Variants in CHN2 observed in about 807,000 individuals in gnomAD.
CHN2 encodes beta-chimaerin.
In CHN2, 35 loss-of-function variants were observed where a neutral mutation model predicts 56.3. The ratio of observed to expected loss-of-function variants is 0.62; its 90% CI spans 0.47 to 0.82. The LOEUF (loss-of-function observed/expected upper bound fraction) is 0.82, where lower values mean the gene tolerates loss of function less well. Among genes scored for constraint, CHN2 ranks in the 40% least tolerant of loss-of-function variants. CHN2 has a pLI of 0.00. For missense variants in CHN2, 491 were observed against 580.5 expected (o/e 0.85, Z 1.58); for synonymous variants, 210 against 212.8 (o/e 0.99, Z 0.12).
chr7:29,470,687 A>C (rs1327306397), intron 6 of CHN2, among the ~76,000 whole-genome samples: 2 of 152,236 alleles, frequency 1.3e-5, no homozygotes, highest in African/African-American at 4.8e-5. Flanking sequence ...AATTTGGACA[A>C]GAAAGTAGTG....
chr7:29,168,429 T>G (rs1349507185), intron 2 of CHN2, among the ~76,000 whole-genome samples: 1 of 152,350 alleles, frequency 6.6e-6, no homozygotes, highest in Non-Finnish European at 1.5e-5. Flanking sequence ...CTAATAAGCC[T>G]CCATGTAGCC....
chr7:29,224,266 A>T (rs560305293), intron 1 of CHN2, among the ~76,000 whole-genome samples: 2 of 152,090 alleles, frequency 1.3e-5, no homozygotes, highest in African/African-American at 2.4e-5. Flanking sequence ...AAAAATTATG[A>T]AACAGTTTGT....
At chr7:29,305,850 CT>C (rs1236532864) in intron 1 of CHN2, among the ~76,000 whole-genome samples, 6 of 151,880 alleles carry the variant, frequency 4.0e-5, no homozygotes, top group African/African-American at 1.2e-4. Context: ...TTTCCTTTCT[CT>C]CTTTCTCCCC....
chr7:29,474,530 C>T (rs774265155), intron 6 of CHN2, among the ~76,000 whole-genome samples: 4 of 152,162 alleles, frequency 2.6e-5, no homozygotes, highest in Non-Finnish European at 5.9e-5. Context: ...CTCTCCTCAC[C>T]ACACCCTCAT....
intron 1 of CHN2, among the ~76,000 whole-genome samples, chr7:29,236,985 T>G (rs546962552): frequency 3.7e-4 from 57 of 152,320 alleles, no homozygotes; most frequent in African/African-American, 1.3e-3. Context: ...TGCTGTGTAA[T>G]GTAAGGTATT....
chr7:29,398,262 G>C, intron 4 of CHN2, 111 bp from the exon 5 acceptor site: 2 of 778,806 alleles, frequency 2.6e-6, no homozygotes, highest in Non-Finnish European at 4.4e-6. Context: ...TCTTCACTCA[G>C]TTGTGGGGCT....
chr7:29,315,468 C>G (rs1404381819), intron 1 of CHN2, among the ~76,000 whole-genome samples: 1 of 152,182 alleles, frequency 6.6e-6, no homozygotes, highest in African/African-American at 2.4e-5. Context: ...TAAGAGATGA[C>G]ATTGCATTAG....
intron 1 of CHN2, among the ~76,000 whole-genome samples, chr7:29,286,637 A>G (rs138540363): frequency 1.3e-3 from 202 of 152,300 alleles, no homozygotes; most frequent in African/African-American, 4.7e-3. Context: ...AAGTGGGGTC[A>G]TTGTTCTTGA....
chr7:29,321,331 G>C (rs558779599), intron 1 of CHN2, among the ~76,000 whole-genome samples: 7 of 152,226 alleles, frequency 4.6e-5, no homozygotes, highest in African/African-American at 1.7e-4. Flanking sequence ...CACATGGAAC[G>C]CACATGCCAG....
chr7:29,463,769 A>AT (rs1347637307), intron 6 of CHN2, among the ~76,000 whole-genome samples: 1 of 152,220 alleles, frequency 6.6e-6, no homozygotes, highest in African/African-American at 2.4e-5. Context: ...GCAAGACATC[A>AT]TAGCAGCTCT....
intron 1 of CHN2, chr7:29,212,711 C>G (rs1396353904): frequency 1.3e-6 from 2 of 1,592,296 alleles, no homozygotes; most frequent in Non-Finnish European, 1.7e-6. Context: ...CAGCTACAAA[C>G]AGGTGAAGAC....
chr7:29,483,285 A>C (rs1787547284), intron 7 of CHN2, among the ~76,000 whole-genome samples: 1 of 151,254 alleles, frequency 6.6e-6, no homozygotes, highest in Admixed American at 6.6e-5. Context: ...ATGAATAGAA[A>C]CCCCCAACAT....
intron 2 of CHN2, among the ~76,000 whole-genome samples, chr7:29,360,646 A>G (rs569858586): frequency 6.6e-6 from 1 of 152,364 alleles, no homozygotes; most frequent in African/African-American, 2.4e-5. Flanking sequence ...AGGTTTTCCC[A>G]TGAAAATCGG....
intron 1 of CHN2, among the ~76,000 whole-genome samples, chr7:29,262,380 A>C (rs1789627318): frequency 6.6e-6 from 1 of 152,196 alleles, no homozygotes; most frequent in African/African-American, 2.4e-5. Context: ...GTCACTTACA[A>C]AAGTAACCCT....
chr7:29,358,500 TC>T lies in CHN2; in HGVS notation c.88+3838del, dbSNP rs1253572777. Among the ~76,000 whole-genome samples, 6 of 152,288 alleles carry T rather than the reference TC, an allele frequency of 3.9e-5. No individual in the cohort carries two copies. In the East Asian group the frequency reaches 1.2e-3, roughly 29 times the overall value. ...TTTTTTGAGATGGAGTCTCGCTCTT[TC>T]ACCCAGGCCGGACTGCGGTGGTGCT... On this transcript the variant is annotated intron_variant, in intron 2 of 12. Transcript: ENST00000222792.
chr7:29,206,638 T>C (rs944767922), intron 1 of CHN2, among the ~76,000 whole-genome samples: 2 of 152,138 alleles, frequency 1.3e-5, no homozygotes, highest in Non-Finnish European at 2.9e-5. Context: ...CTGAGCAGAA[T>C]CACATGAATT....
chr7:29,374,046 C>T (rs891786901), intron 3 of CHN2, among the ~76,000 whole-genome samples: 1 of 152,202 alleles, frequency 6.6e-6, no homozygotes, highest in Non-Finnish European at 1.5e-5. Flanking sequence ...AATCTCATTA[C>T]CTTTTAATTG....
intron 1 of CHN2, among the ~76,000 whole-genome samples, chr7:29,349,698 A>G (rs373153347): frequency 2.6e-5 from 4 of 152,330 alleles, no homozygotes; most frequent in African/African-American, 4.8e-5. Context: ...TAAAGGTTAG[A>G]TACATATTAG....
rs528555932 is a variant in CHN2 at position 29,279,886 on chromosome 7, T to C, written c.50-74739T>C. Among the ~76,000 whole-genome samples, 6 of 152,304 alleles carry C rather than the reference T, an allele frequency of 3.9e-5. No individual in the cohort carries two copies. In the South Asian group the frequency reaches 1.2e-3, roughly 32 times the overall value. The stretch of plus-strand genomic sequence containing the variant: ...CAAGTCTGTTTTAGCAAAATGATTC[T>C]AGCAGCAGTGGGGGTCTGAATTAGG... On this transcript the variant is annotated intron_variant, in intron 1 of 12. Transcript: ENST00000222792.
Sources: allele counts gnomAD v4.1 joint callset (sites outside exome capture counted in the v4.1 genomes callset), GRCh38; gene constraint gnomAD v4.1.1; transcripts MANE v1.5; gene names NCBI Gene and HGNC (gene_info 2026-07-23, HGNC 2026-07-21).